Variants in NOTCH3 observed in about 807,000 individuals in gnomAD.
NOTCH3 encodes the protein neurogenic locus notch homolog protein 3.
NOTCH3 carries 86 observed loss-of-function variants against 213.3 expected under a neutral mutation model. That is an observed-to-expected ratio of 0.40 (90% CI 0.34 to 0.48). The LOEUF (loss-of-function observed/expected upper bound fraction) is 0.48. Among genes scored for constraint, NOTCH3 ranks in the 20% least tolerant of loss-of-function variants. The pLI is 0.57. For synonymous variants in NOTCH3, 1,354 were observed against 1,355.9 expected (o/e 1.00, Z 0.03); for missense variants, 2,783 against 3,272.6 (o/e 0.85, Z 3.65).
intron 16 of NOTCH3, among the ~76,000 whole-genome samples, chr19:15,183,384 T>TTTTGTTTGTTTGTTTGTTTGTTTG (rs71168596): frequency 6.7e-6 from 1 of 150,178 alleles, no homozygotes; most frequent in African/African-American, 2.5e-5. Context: ...CAGCACCCCT[T>TTTTGTTTGTTTGTTTGTTTGTTTG]TTTGTTTGTT....
intron 12 of NOTCH3, 64 bp downstream of exon 12, chr19:15,186,814 C>T: frequency 7.6e-7 from 1 of 1,323,836 alleles, no homozygotes; most frequent in Non-Finnish European, 1.1e-6. Context: ...CAAAACAGGC[C>T]CACAGAGACG....
chr19:15,193,300 G>T (rs1438290943), intron 2 of NOTCH3, among the ~76,000 whole-genome samples: 1 of 151,454 alleles, frequency 6.6e-6, no homozygotes, highest in Non-Finnish European at 1.5e-5. Context: ...GCAGTGGCGC[G>T]ATCTTGGCTC....
chr19:15,165,223 G>C lies in NOTCH3; in HGVS notation c.5815+145C>G. 1.2e-6 allele frequency: 1 copy of C among 854,366 alleles called. No homozygotes were observed. The allele number at this position is 854,366 out of a possible 1,614,324, so 52.9% of individuals were successfully genotyped here. A position where few individuals can be genotyped will look rare whatever the true frequency, so the allele number is the denominator to read the frequency against. ...CTAAGGACTAGTGGTGACCCTGCATGACCCTGCAGGCTTCATGAAGCCTGG... is the reference window on the plus strand; with the variant it reads ...CTAAGGACTAGTGGTGACCCTGCATCACCCTGCAGGCTTCATGAAGCCTGG... On this transcript the variant is annotated intron_variant, in intron 31 of 32. Coordinates refer to ENST00000263388, the MANE Select transcript of NOTCH3 (RefSeq NM_000435.3). The surrounding 1 kb of genome is among the most constrained non-coding windows in gnomAD (Gnocchi z 4.7).
At position 15,197,510 on chromosome 19, in the gene NOTCH3, C is replaced by A; in HGVS notation, c.187G>T (p.Ala63Ser). 6.2e-7 allele frequency: 1 copy of A among 1,610,656 alleles called. No individual in the cohort carries two copies. The highest frequency in any genetic ancestry group is 2.2e-5 in the East Asian group (1 of 44,824). The change falls in exon 2 of 33, where the codon GCT becomes TCT. Residue 63 changes from alanine to serine, a missense_variant. By Grantham distance (99) the Ala-to-Ser change is moderately conservative. Transcript: ENST00000263388. ...GRCTQLPSREAACLCPPGWVG... is the reference protein window; with the variant it reads ...GRCTQLPSRESACLCPPGWVG... ...GAGCCAGGCACTCACAGGCAGGCAGCCTCCCGGGAGGGCAGCTGGGTGCAA... is the reference window on the plus strand; with the variant it reads ...GAGCCAGGCACTCACAGGCAGGCAGACTCCCGGGAGGGCAGCTGGGTGCAA...
intron 2 of NOTCH3, among the ~76,000 whole-genome samples, chr19:15,194,071 G>C (rs1238721485): frequency 6.6e-6 from 1 of 152,020 alleles, no homozygotes; most frequent in Non-Finnish European, 1.5e-5. Context: ...GACAGAGAGA[G>C]ACTCCACCTA....
At position 15,161,083 on chromosome 19, in the gene NOTCH3, C is replaced by A; in HGVS notation, c.6545G>T (p.Gly2182Val). 6.5e-7 allele frequency: 1 copy of A among 1,541,880 alleles called. No individual in the cohort carries two copies. The highest frequency in any genetic ancestry group is 8.7e-7 in the Non-Finnish European group (1 of 1,149,644). The change falls in exon 33 of 33, where the codon GGC (glycine) becomes GTC (valine). Residue 2182 changes from glycine (G) to valine (V), a missense_variant. Gly to Val is a moderately radical substitution (Grantham distance 109). Coordinates refer to ENST00000263388, the MANE Select transcript of NOTCH3 (RefSeq NM_000435.3). The part of the protein sequence containing the change: ...WARLPPPAPP[G>V]PSFLLPLAPG... ...CGCCAGTGGCAGCAGGAACGAGGGG[C>A]CTGGAGGGGCAGGTGGGGGCAGCCG...
intron 2 of NOTCH3, 52 bp downstream of exon 2, chr19:15,197,446 TCC>T: frequency 2.2e-6 from 1 of 460,718 alleles, no homozygotes; most frequent in Non-Finnish European, 4.2e-6. Flanking sequence ...AAATCGCCCC[TCC>T]CCCCCGCCCC....
chr19:15,161,135 G>A lies in NOTCH3; in HGVS notation c.6493C>T (p.Pro2165Ser), dbSNP rs2145381202. The part of the protein sequence containing the change: ...GCVLSLGLLN[P>S]VAVPLDWARL... The stretch of plus-strand genomic sequence containing the variant: ...GCCCAATCGAGGGGCACAGCCACAG[G>A]GTTCAGCAGGCCCAGGCTGAGTACA... Residue 2165 changes from proline (P) to serine (S), a missense_variant, in exon 33 of 33, where the codon CCT (proline) becomes TCT (serine). This residue lies in a region of NOTCH3 where 441 missense variants were observed against 432.1 expected (regional missense o/e 1.02). Transcript: ENST00000263388. 1 of 1,539,616 alleles carries A rather than the reference G, an allele frequency of 6.5e-7. No individual in the cohort carries two copies. Among genetic ancestry groups the A allele is most frequent in the Non-Finnish European group, 8.7e-7 (1 of 1,148,800 alleles).
chr19:15,175,575 G>GTATATA (rs1422406505), intron 24 of NOTCH3, among the ~76,000 whole-genome samples: 174 of 26,416 alleles, frequency 6.6e-3, no homozygotes, highest in Admixed American at 0.033. Context: ...ATATATATAT[G>GTATATA]TATATATATG....
At chr19:15,167,211 G>T in intron 29 of NOTCH3, 38 bp downstream of exon 29, 2 of 1,602,104 alleles carry the variant, frequency 1.2e-6, no homozygotes, top group Non-Finnish European at 1.7e-6. Flanking sequence ...GGTAGGATGG[G>T]TGAGGGGCAT....
At chr19:15,173,023 TCCTCCC>T (rs1227990125) in intron 25 of NOTCH3, among the ~76,000 whole-genome samples, 1 of 20,568 alleles carries the variant, frequency 4.9e-5, no homozygotes, top group Non-Finnish European at 1.0e-4. Flanking sequence ...TTCTTCCTCT[TCCTCCC>T]CCTCCCCCTC....
intron 8 of NOTCH3, 74 bp from the exon 9 acceptor site, chr19:15,188,422 T>C: frequency 2.2e-6 from 2 of 925,086 alleles, no homozygotes; most frequent in Non-Finnish European, 3.5e-6. Context: ...AAGGAGGTAC[T>C]TCCCTTCCTA....
rs1236684949 is a variant in NOTCH3, at chr19:15,179,234, A to C, written c.3509T>G (p.Leu1170Arg). The change falls in exon 22 of 33, where the codon CTG (leucine) becomes CGG (arginine). Residue 1170 changes from leucine to arginine, a missense_variant. Physicochemically the swap from Leu to Arg is moderately radical, Grantham distance 102 (BLOSUM62 -2). This residue lies in a region of NOTCH3 where 861 missense variants were observed against 909.1 expected (regional missense o/e 0.95). Coordinates refer to ENST00000263388, the MANE Select transcript of NOTCH3 (RefSeq NM_000435.3). ...NEDDCGPGPP[L>R]DSGPRCLHNG... ...GTGTAGGCACCGGGGCCCTGAGTCC[A>C]GCGGTGGGCCTGGGCCGCAGTCATC... 1 of 1,613,976 alleles carries C rather than the reference A, an allele frequency of 6.2e-7. No individual in the cohort carries two copies. Among genetic ancestry groups the C allele is most frequent in the Admixed American group, 1.7e-5 (1 of 60,022 alleles).
intron 8 of NOTCH3, 56 bp from the exon 9 acceptor site, chr19:15,188,404 G>A: frequency 8.8e-7 from 1 of 1,137,566 alleles, no homozygotes; most frequent in East Asian, 2.5e-5. Flanking sequence ...TGTGAACGGG[G>A]TGCAAGGAAG....
chr19:15,166,849 T>G (rs915831319), intron 29 of NOTCH3, among the ~76,000 whole-genome samples: 3 of 152,184 alleles, frequency 2.0e-5, no homozygotes, highest in African/African-American at 7.2e-5. Context: ...GGTATGTGAA[T>G]CAGGCTTGGT....
At chr19:15,162,617 T>G in intron 31 of NOTCH3, 55 bp from the exon 32 acceptor site, 1 of 1,387,176 alleles carries the variant, frequency 7.2e-7, no homozygotes, top group Non-Finnish European at 1.0e-6. Flanking sequence ...GGGGCCCCCA[T>G]GTCAGGGAGG....
chr19:15,189,145 A>G lies in NOTCH3; in HGVS notation c.1222T>C (p.Cys408Arg). The G allele has an allele frequency of 6.2e-7, 1 of 1,613,388 alleles. No individual in the cohort carries two copies. Among genetic ancestry groups the G allele is most frequent in the Non-Finnish European group, 8.5e-7 (1 of 1,180,028 alleles). ...AGGAAGGAGCCCTGCGTGTTCACGCACCTGCCCAAGTGCTCGCAGGGGTTG... is the reference window on the plus strand; with the variant it reads ...AGGAAGGAGCCCTGCGTGTTCACGCGCCTGCCCAAGTGCTCGCAGGGGTTG... ...GANPCEHLGR[C>R]VNTQGSFLCQ... The change falls in exon 8 of 33, where the codon TGC (cysteine) becomes CGC (arginine). Residue 408 changes from cysteine (C) to arginine (R), a missense_variant. Cys to Arg is a radical substitution (Grantham distance 180). This residue lies in a region of NOTCH3 where 708 missense variants were observed against 906.6 expected (regional missense o/e 0.78). Coordinates refer to ENST00000263388, the MANE Select transcript of NOTCH3 (RefSeq NM_000435.3).
chr19:15,175,397 G>A (rs1037033072), intron 24 of NOTCH3, among the ~76,000 whole-genome samples: 4 of 150,160 alleles, frequency 2.7e-5, no homozygotes, highest in African/African-American at 9.9e-5. Flanking sequence ...AGTCAGGCAT[G>A]GTGGCGGGCG....
intron 8 of NOTCH3, 25 bp downstream of exon 8, chr19:15,188,964 C>A: frequency 6.2e-7 from 1 of 1,600,216 alleles, no homozygotes; most frequent in Non-Finnish European, 8.5e-7. Flanking sequence ...CCTCAGGACC[C>A]GCCCAGGCCA....
Sources: allele counts gnomAD v4.1 joint callset (sites outside exome capture counted in the v4.1 genomes callset), GRCh38; gene constraint gnomAD v4.1.1; regional missense constraint gnomAD v4.1.1; non-coding constraint Gnocchi (gnomAD v3.1); transcripts MANE v1.5; gene names NCBI Gene and HGNC (gene_info 2026-07-23, HGNC 2026-07-21).